The following SPG21 variants were observed in gnomAD, a reference collection of about 807,000 sequenced individuals.
SPG21 encodes SPG21 abhydrolase domain containing, maspardin.
Under a neutral mutation model 38.9 loss-of-function variants are expected in SPG21, and 26 were observed. That is an observed-to-expected ratio of 0.67 (90% CI 0.49 to 0.93). The LOEUF (loss-of-function observed/expected upper bound fraction) is 0.93, where lower values mean the gene tolerates loss of function less well. SPG21 is among the 40% of genes least tolerant of loss of function. The pLI, the probability that SPG21 is intolerant of heterozygous loss-of-function variation, is 0.00. For synonymous variants in SPG21, 136 were observed against 128.9 expected, an observed-to-expected ratio of 1.05 and a Z score of -0.37; for missense variants, 333 against 376.5, an observed-to-expected ratio of 0.88 and a Z score of 0.96.
At chr15:64,982,915 G>A (rs2085909626) in intron 2 of SPG21, 1 of 153,858 alleles carries the variant, frequency 6.5e-6, no homozygotes, top group Admixed American at 6.5e-5. Flanking sequence ...AAACTATACA[G>A]AAGAGTACAT....
At chr15:64,964,038 G>C (rs1245617121) in intron 8 of SPG21, among the ~76,000 whole-genome samples, 2 of 152,164 alleles carry the variant, frequency 1.3e-5, no homozygotes, top group African/African-American at 4.8e-5. Flanking sequence ...TTACAGGTGT[G>C]AGCCACTGCA....
At chr15:64,983,480 T>A in intron 2 of SPG21, 27 bp downstream of exon 2, 1 of 1,510,908 alleles carries the variant, frequency 6.6e-7, no homozygotes, top group Non-Finnish European at 9.1e-7. Flanking sequence ...ATTTTGCAAA[T>A]AAGAGGTATA....
chr15:64,977,635 T>A (rs1335538599), intron 3 of SPG21, among the ~76,000 whole-genome samples: 6 of 152,138 alleles, frequency 3.9e-5, no homozygotes, highest in Admixed American at 2.6e-4. Context: ...ATAACTGCCT[T>A]AACTTCCCAA....
At chr15:64,972,400 A>G (rs1379674240) in intron 5 of SPG21, among the ~76,000 whole-genome samples, 1 of 152,220 alleles carries the variant, frequency 6.6e-6, no homozygotes, top group Non-Finnish European at 1.5e-5. Context: ...CATTCTAACA[A>G]TTAGAACAGC....
intron 4 of SPG21, among the ~76,000 whole-genome samples, chr15:64,976,102 G>C (rs1353007693): frequency 6.6e-6 from 1 of 152,164 alleles, no homozygotes; most frequent in Admixed American, 6.5e-5. Context: ...TATGGTATAT[G>C]AATTATGTTG....
intron 6 of SPG21, 92 bp downstream of exon 6, chr15:64,970,022 A>G (rs1415030543): frequency 1.9e-6 from 2 of 1,049,558 alleles, no homozygotes; most frequent in African/African-American, 3.1e-5. Flanking sequence ...TACCTCTTAC[A>G]CATACTTGTG....
At chr15:64,982,538 A>G (rs1294934373) in intron 2 of SPG21, among the ~76,000 whole-genome samples, 1 of 152,106 alleles carries the variant, frequency 6.6e-6, no homozygotes, top group African/African-American at 2.4e-5. Flanking sequence ...TAGGTCTCTA[A>G]AGTGCTAGGA....
chr15:64,974,506 G>C, intron 5 of SPG21, 96 bp downstream of exon 5: 1 of 1,427,772 alleles, frequency 7.0e-7, no homozygotes. Context: ...GCAGAATATA[G>C]AAGTAGATAT....
chr15:64,987,863 C>G (rs764781943), intron 1 of SPG21, among the ~76,000 whole-genome samples: 1 of 152,134 alleles, frequency 6.6e-6, no homozygotes, highest in African/African-American at 2.4e-5. Flanking sequence ...GGTGCAGCCC[C>G]GTCTCTACTA....
At chr15:64,974,802 G>A in intron 4 of SPG21, 55 bp from the exon 5 acceptor site, 13 of 1,607,334 alleles carry the variant, frequency 8.1e-6, no homozygotes, top group Non-Finnish European at 1.1e-5. Flanking sequence ...TCTTGAACCT[G>A]AGTATTAAAA....
chr15:64,987,123 C>T (rs1450561260), intron 1 of SPG21: 1 of 152,330 alleles, frequency 6.6e-6, no homozygotes, highest in South Asian at 2.1e-4. Context: ...CATATTCACG[C>T]GGTCATCCTC....
chr15:64,989,776 C>G lies in SPG21; in HGVS notation c.-136G>C, dbSNP rs1277452443. 3 of 152,142 alleles carry G rather than the reference C, an allele frequency of 2.0e-5. No homozygotes were observed. Among genetic ancestry groups the G allele is most frequent in the African/African-American group, 4.9e-5 (2 of 41,192 alleles). 9.4% of individuals were successfully genotyped at this position (152,142 alleles called of 1,614,324 possible). A position where few individuals can be genotyped will look rare whatever the true frequency, so the allele number is the denominator to read the frequency against. On this transcript the variant is annotated 5_prime_UTR_variant, in exon 1 of 9. Transcript: ENST00000204566. ...GCCCGGGTCGGGGCGGGCGGCGGAG[C>G]ACTCGGGACCCACGGGCACAGCAGG...
In SPG21 at chr15:64,963,584, C is replaced by T. The variant is rs760589610; in HGVS notation, c.*36G>A. The T allele has an allele frequency of 1.3e-6, 2 of 1,566,206 alleles. No homozygotes were observed. The highest frequency in any genetic ancestry group is 1.8e-6 in the Non-Finnish European group (2 of 1,137,774). ...TGATGCCACTGACTATACAAGAACA[C>T]ACCGGGTCAACTCATCATTGACAGC... On this transcript the variant is annotated 3_prime_UTR_variant, in exon 9 of 9. Coordinates refer to ENST00000204566, the MANE Select transcript of SPG21 (RefSeq NM_016630.7).
intron 1 of SPG21, among the ~76,000 whole-genome samples, chr15:64,985,942 A>G (rs1282858609): frequency 1.3e-5 from 2 of 152,222 alleles, no homozygotes; most frequent in African/African-American, 4.8e-5. Context: ...ATTTTAGAGA[A>G]GTGTGTTAAA....
In SPG21 at chr15:64,963,733, G is replaced by C. The variant is rs371953772; in HGVS notation, c.814C>G (p.His272Asp). 6.2e-7 allele frequency: 1 copy of C among 1,612,832 alleles called. No individual in the cohort carries two copies. The highest frequency in any genetic ancestry group is 8.5e-7 in the Non-Finnish European group (1 of 1,179,024). ...TTGGTTCCATGGAATTGCAGCAAAT[G>C]TATCTGTTGAAATGCAGAATCATTA... Reference protein sequence around the residue: ...SAEVNLYVQIHLLQFHGTKYA... With the variant: ...SAEVNLYVQIDLLQFHGTKYA... The change falls in exon 9 of 9, where the codon CAT becomes GAT. Residue 272 changes from histidine to aspartate, a missense_variant. His to Asp is a moderately conservative substitution (Grantham distance 81). Coordinates refer to ENST00000204566, the MANE Select transcript of SPG21 (RefSeq NM_016630.7).
intron 3 of SPG21, among the ~76,000 whole-genome samples, chr15:64,980,573 C>G (rs1178473165): frequency 6.6e-6 from 1 of 151,842 alleles, no homozygotes; most frequent in Non-Finnish European, 1.5e-5. Flanking sequence ...CCCGTCTCTA[C>G]TAAAAATACA....
chr15:64,989,134 G>C (rs1288171222), intron 1 of SPG21: 1 of 152,108 alleles, frequency 6.6e-6, no homozygotes, highest in Non-Finnish European at 1.5e-5. Context: ...GAGACACTCC[G>C]GTCCCGCTCT....
chr15:64,974,821 C>G, intron 4 of SPG21, 74 bp from the exon 5 acceptor site: 2 of 1,540,520 alleles, frequency 1.3e-6, no homozygotes, highest in Non-Finnish European at 1.8e-6. Context: ...AAAGTTGCTT[C>G]AATTATCACT....
chr15:64,983,541 T>C lies in SPG21; in HGVS notation c.29A>G (p.Tyr10Cys). 1 of 1,579,752 alleles carries C rather than the reference T, an allele frequency of 6.3e-7. No homozygotes were observed. Among genetic ancestry groups the C allele is most frequent in the Non-Finnish European group, 8.6e-7 (1 of 1,158,886 alleles). The change falls in exon 2 of 9, where the codon TAT becomes TGT. Residue 10 changes from tyrosine (Y) to cysteine (C), a missense_variant. By Grantham distance (194) the Tyr-to-Cys change is radical (BLOSUM62 -2). Transcript: ENST00000204566. MGEIKVSPD[Y>C]NWFRGTVPLK... ...GGGAACTGTACCTCTAAACCAGTTA[T>C]AATCAGGAGAGACTTTAATCTCTCC... is the stretch of plus-strand genomic sequence containing the variant.
Sources: allele counts gnomAD v4.1 joint callset (sites outside exome capture counted in the v4.1 genomes callset), GRCh38; gene constraint gnomAD v4.1.1; transcripts MANE v1.5; gene names NCBI Gene and HGNC (gene_info 2026-07-23, HGNC 2026-07-21).